Variants in ALKBH4 observed in about 807,000 individuals in gnomAD.
ALKBH4 encodes the protein alkB homolog 4, lysine demethylase, also known as alpha-ketoglutarate-dependent dioxygenase alkB homolog 4.
ALKBH4 carries 8 observed loss-of-function variants against 12.1 expected under a neutral mutation model. That is an observed-to-expected ratio of 0.66 (90% CI 0.39 to 1.19). ALKBH4 has a LOEUF of 1.19. Ranked by LOEUF, ALKBH4 falls within the 50% of genes most tolerant of loss-of-function variation. The pLI is 0.01. For missense variants in ALKBH4, 403 were observed against 430.4 expected (o/e 0.94, Z 0.56); for synonymous variants, 195 against 191.6 (o/e 1.02, Z -0.15).
At position 102,457,870 on chromosome 7, in the gene ALKBH4, G is replaced by T. The variant is rs141457125; in HGVS notation, c.433C>A (p.Leu145Met). 336 of 1,612,378 alleles carry T rather than the reference G, an allele frequency of 2.1e-4. No individual in the cohort carries two copies. The Middle Eastern group carries it at 2.5e-3, about 12-fold the overall frequency. Residue 145 changes from leucine to methionine, a missense_variant, in exon 3 of 3, where the codon CTG (leucine) becomes ATG (methionine). Physicochemically the swap from Leu to Met is conservative, Grantham distance 15 (BLOSUM62 2). Transcript: ENST00000292566. The surrounding 1 kb of genome is among the most constrained non-coding windows in gnomAD (Gnocchi z 5.9). ...TGCTCGACGGGCCGGAAGCCCTCCA[G>T]CCCCGGGTAGAGGCCCATCCTCCGC... ...VVRRMGLYPG[L>M]EGFRPVEQCN...
intron 2 of ALKBH4, among the ~76,000 whole-genome samples, chr7:102,459,000 G>A (rs1009782421): frequency 7.2e-5 from 11 of 152,100 alleles, no homozygotes; most frequent in African/African-American, 2.7e-4. Context: ...ACAAGAATTA[G>A]CTGGGCATGG....
intron 2 of ALKBH4, among the ~76,000 whole-genome samples, chr7:102,458,716 G>A (rs1364961178): frequency 1.0e-4 from 14 of 133,660 alleles, no homozygotes; most frequent in African/African-American, 3.7e-4. Flanking sequence ...CAGTCTGGGC[G>A]ACAGAGCGAG....
chr7:102,464,580 C>G, intron 1 of ALKBH4, 134 bp downstream of exon 1: 1 of 1,314,466 alleles, frequency 7.6e-7, no homozygotes, highest in African/African-American at 1.5e-5. Context: ...CCCTCATCTC[C>G]TCACCCTGCA....
rs181070070 is a variant in ALKBH4 at position 102,458,920 on chromosome 7, G to A, written c.321+684C>T. ...TCCCAGCACTTTGGGAGGCTGAGGC[G>A]GGCGGATCACTTGTCAGGAGTTCGA... On this transcript the variant is annotated intron_variant, in intron 2 of 2. Transcript: ENST00000292566. Among the ~76,000 whole-genome samples, 62 of 152,050 alleles carry A rather than the reference G, an allele frequency of 4.1e-4. No individual in the cohort carries two copies. In the East Asian group the frequency reaches 0.011, roughly 27 times the overall value.
intron 1 of ALKBH4, among the ~76,000 whole-genome samples, chr7:102,460,664 TC>T (rs1797774129): frequency 6.6e-6 from 1 of 152,196 alleles, no homozygotes; most frequent in African/African-American, 2.4e-5. Context: ...GGACAGCACC[TC>T]CTGCACTCCC....
At chr7:102,458,664 G>A (rs538144445) in intron 2 of ALKBH4, among the ~76,000 whole-genome samples, 1 of 152,052 alleles carries the variant, frequency 6.6e-6, no homozygotes, top group South Asian at 2.1e-4. Context: ...CTAGAGCCTG[G>A]GGGGTCAAGG....
Position 102,464,747 on chromosome 7 carries a change from G to A in ALKBH4, c.90C>T (p.Arg30=). 6.4e-7 allele frequency: 1 copy of A among 1,570,310 alleles called. No individual in the cohort carries two copies. The highest frequency in any genetic ancestry group is 1.8e-5 in the Admixed American group (1 of 54,230). The change falls in exon 1 of 3, where the codon CGC becomes CGT. Residue 30 remains arginine (R), a synonymous_variant. Coordinates refer to ENST00000292566, the MANE Select transcript of ALKBH4 (RefSeq NM_017621.4). ...GCAGCTCCCAGGGCGGGTCACTGCC[G>A]CGCTGCCGCTCGCAGATCAGACAGG... is the stretch of plus-strand genomic sequence containing the variant. ...IRTCLICERQ[R]GSDPPWELPP...
chr7:102,461,761 G>A (rs1380796557), intron 1 of ALKBH4, among the ~76,000 whole-genome samples: 1 of 152,158 alleles, frequency 6.6e-6, no homozygotes, highest in African/African-American at 2.4e-5. Context: ...TTCATCCCCA[G>A]GACAGCCCCA....
In ALKBH4 at chr7:102,456,970, G is replaced by A. The variant is rs546544272; in HGVS notation, c.*424C>T. On this transcript the variant is annotated 3_prime_UTR_variant, in exon 3 of 3. Transcript: ENST00000292566. The stretch of plus-strand genomic sequence containing the variant: ...TAGCCTCCCGAGTAGCTGGGATTAC[G>A]GCTGTGAGTCACCACACCCGGCTAA... 5 of 155,374 alleles carry A rather than the reference G, an allele frequency of 3.2e-5. No individual in the cohort carries two copies. The highest frequency in any genetic ancestry group is 1.9e-4 in the East Asian group (1 of 5,254). The allele number at this position is 155,374 out of a possible 1,614,324, so 9.6% of individuals were successfully genotyped here.
chr7:102,456,488 C>T lies in ALKBH4; in HGVS notation c.*906G>A, dbSNP rs1351540691. The T allele has an allele frequency of 1.3e-5, 2 of 152,208 alleles. No homozygotes were observed. The highest frequency in any genetic ancestry group is 2.9e-5 in the Non-Finnish European group (2 of 68,080). 9.4% of individuals were successfully genotyped at this position (152,208 alleles called of 1,614,324 possible). Reference sequence around the variant, plus strand: ...AGGCTGGCCTCAAGCAATCCTCCCACCTGAGCCCCGCAAAGTACTCGGATT... The same window carrying T: ...AGGCTGGCCTCAAGCAATCCTCCCATCTGAGCCCCGCAAAGTACTCGGATT... On this transcript the variant is annotated 3_prime_UTR_variant, in exon 3 of 3. Transcript: ENST00000292566.
rs1366156765 is a variant in ALKBH4 at position 102,460,231 on chromosome 7, G to A, written c.124-430C>T. Among the ~76,000 whole-genome samples, 14 of 151,722 alleles carry A rather than the reference G, an allele frequency of 9.2e-5. No individual in the cohort carries two copies. In the East Asian group the frequency reaches 1.7e-3, roughly 19 times the overall value. ...TTTCAGCTACTCAGGAGGCTGAGGC[G>A]GGAGGATCATTTGAGCCCAGGAGGT... On this transcript the variant is annotated intron_variant, in intron 1 of 2. Coordinates refer to ENST00000292566, the MANE Select transcript of ALKBH4 (RefSeq NM_017621.4).
chr7:102,460,337 AG>A (rs1797766798), intron 1 of ALKBH4, among the ~76,000 whole-genome samples: 5 of 27,748 alleles, frequency 1.8e-4, no homozygotes, highest in Admixed American at 6.9e-4. Context: ...AAAAAAAAAA[AG>A]AAAAAAAAAA....
Position 102,464,774 on chromosome 7 carries a change from C to G in ALKBH4, c.63G>C (p.Arg21=), listed in dbSNP as rs1335891086. Reference sequence around the variant, plus strand: ...GCTGCCGCTCGCAGATCAGACAGGTCCGGATGCCCTTGCAACCGCATTCCC... The same window carrying G: ...GCTGCCGCTCGCAGATCAGACAGGTGCGGATGCCCTTGCAACCGCATTCCC... ...VLRECGCKGI[R]TCLICERQRG... is the part of the protein sequence containing the mutation. The change falls in exon 1 of 3, where the codon CGG becomes CGC. Residue 21 remains arginine (R), a synonymous_variant. Coordinates refer to ENST00000292566, the MANE Select transcript of ALKBH4 (RefSeq NM_017621.4). 6.4e-7 allele frequency: 1 copy of G among 1,573,450 alleles called. No homozygotes were observed. The highest frequency in any genetic ancestry group is 8.6e-7 in the Non-Finnish European group (1 of 1,163,702).
At position 102,456,971 on chromosome 7, in the gene ALKBH4, G is replaced by A; in HGVS notation, c.*423C>T. On this transcript the variant is annotated 3_prime_UTR_variant, in exon 3 of 3. Coordinates refer to ENST00000292566, the MANE Select transcript of ALKBH4 (RefSeq NM_017621.4). Reference sequence around the variant, plus strand: ...AGCCTCCCGAGTAGCTGGGATTACGGCTGTGAGTCACCACACCCGGCTAAT... The same window carrying A: ...AGCCTCCCGAGTAGCTGGGATTACGACTGTGAGTCACCACACCCGGCTAAT... 6.4e-6 allele frequency: 1 copy of A among 156,248 alleles called. No homozygotes were observed. Among genetic ancestry groups the A allele is most frequent in the Non-Finnish European group, 1.4e-5 (1 of 70,754 alleles). 9.7% of individuals were successfully genotyped at this position (156,248 alleles called of 1,614,324 possible).
chr7:102,461,508 G>C (rs1396456489), intron 1 of ALKBH4, among the ~76,000 whole-genome samples: 1 of 151,712 alleles, frequency 6.6e-6, no homozygotes, highest in African/African-American at 2.4e-5. Context: ...CTACAGGTGC[G>C]CGCCACCATG....
At position 102,457,265 on chromosome 7, in the gene ALKBH4, G is replaced by C. The variant is rs1797674536; in HGVS notation, c.*129C>G. The C allele has an allele frequency of 3.6e-6, 4 of 1,101,080 alleles. 1 individual carries two copies. In the South Asian group the frequency reaches 6.2e-5, roughly 17 times the overall value. The allele number at this position is 1,101,080 out of a possible 1,614,324, so 68.2% of individuals were successfully genotyped here. A position where few individuals can be genotyped will look rare whatever the true frequency, so the allele number is the denominator to read the frequency against. On this transcript the variant is annotated 3_prime_UTR_variant, in exon 3 of 3. Coordinates refer to ENST00000292566, the MANE Select transcript of ALKBH4 (RefSeq NM_017621.4). The surrounding 1 kb of genome is among the most constrained non-coding windows in gnomAD (Gnocchi z 5.9). ...TCCCATCAAAACCTGCTCCTGGGCA[G>C]GGCTCACACTGCTCACAGCATCAGG...
intron 1 of ALKBH4, among the ~76,000 whole-genome samples, chr7:102,463,916 A>T (rs191152226): frequency 6.6e-6 from 1 of 152,136 alleles, no homozygotes. Context: ...CCTTCCCAGG[A>T]TCTTTCTAAA....
rs1797749147 is a variant in ALKBH4 at position 102,459,749 on chromosome 7, T to C, written c.176A>G (p.Glu59Gly). Residue 59 changes from glutamate to glycine, a missense_variant, in exon 2 of 3, where the codon GAG becomes GGG. Glu to Gly is a moderately conservative substitution (Grantham distance 98). Transcript: ENST00000292566. ...CSDTGWAVGT[E>G]ESDFEGWAFP... Reference sequence around the variant, plus strand: ...GGCCCAGCCCTCAAAGTCAGACTCCTCTGTGCCCACGGCCCAGCCGGTGTC... The same window carrying C: ...GGCCCAGCCCTCAAAGTCAGACTCCCCTGTGCCCACGGCCCAGCCGGTGTC... 6.2e-7 allele frequency: 1 copy of C among 1,613,570 alleles called. No individual in the cohort carries two copies. Among genetic ancestry groups the C allele is most frequent in the South Asian group, 1.1e-5 (1 of 91,054 alleles).
rs1371365558 is a variant in ALKBH4, at chr7:102,457,984, G to A, written c.322-3C>T. ...AAGTTGACTTTGGGGCCATAGTCCT[G>A]AAGGATGAAGACAAAGAGGACATGA... On this transcript the variant is annotated splice_region_variant and splice_polypyrimidine_tract_variant and intron_variant, in intron 2 of 2. Coordinates refer to ENST00000292566, the MANE Select transcript of ALKBH4 (RefSeq NM_017621.4). The surrounding 1 kb of genome is among the most constrained non-coding windows in gnomAD (Gnocchi z 5.9). 1.3e-6 allele frequency: 2 copies of A among 1,597,470 alleles called. No homozygotes were observed. Among genetic ancestry groups the A allele is most frequent in the East Asian group, 2.2e-5 (1 of 44,586 alleles).
Sources: gnomAD v4.1 joint callset for allele counts (sites outside exome capture counted in the v4.1 genomes callset) on GRCh38, gnomAD v4.1.1 for gene constraint, Gnocchi (gnomAD v3.1) non-coding constraint, MANE v1.5 for transcripts, NCBI Gene and HGNC (gene_info 2026-07-23, HGNC 2026-07-21) for gene names.